THBS4: variants seen among roughly 807,000 people sequenced by gnomAD.
THBS4 encodes the protein thrombospondin-4.
THBS4 carries 90 observed loss-of-function variants against 115.7 expected under a neutral mutation model. That is an observed-to-expected ratio of 0.78 (90% CI 0.66 to 0.93). The LOEUF is 0.93. Ranked by LOEUF, THBS4 falls within the 40% of genes least tolerant of loss-of-function variation. The pLI is 0.00. For synonymous variants in THBS4, 460 were observed against 479.3 expected, an observed-to-expected ratio of 0.96 and a Z score of 0.53; for missense variants, 1,087 against 1,232.7, an observed-to-expected ratio of 0.88 and a Z score of 1.77.
At chr5:80,061,932 C>A in intron 8 of THBS4, 100 bp downstream of exon 8, 1 of 1,295,486 alleles carries the variant, frequency 7.7e-7, no homozygotes, top group Non-Finnish European at 1.0e-6. Context: ...CATGAGCAGT[C>A]AAGGCCATGT....
Position 80,079,069 on chromosome 5 carries a change from A to G in THBS4, c.2322A>G (p.Thr774=), listed in dbSNP as rs765615300. Residue 774 remains threonine (T), a synonymous_variant, in exon 19 of 22, where the codon ACA becomes ACG. Transcript: ENST00000350881. ...CTTATCTGGTCCCTACAGGGTACAC[A>G]GCTTTTAATGGAGTTGACTTCGAAG... ...NSDPGLAVGY[T]AFNGVDFEGT... The G allele has an allele frequency of 2.0e-5, 32 of 1,613,408 alleles. No individual in the cohort carries two copies. The highest frequency in any genetic ancestry group is 2.7e-5 in the Non-Finnish European group (32 of 1,179,596).
At chr5:80,038,545 C>A (rs1832790432) in intron 1 of THBS4, among the ~76,000 whole-genome samples, 2 of 152,042 alleles carry the variant, frequency 1.3e-5, no homozygotes, top group Non-Finnish European at 2.9e-5. Flanking sequence ...GTTTAACCAT[C>A]CCCTCAATCT....
chr5:80,012,693 C>T (rs1311260926), intron 2 of THBS4, among the ~76,000 whole-genome samples: 2 of 152,130 alleles, frequency 1.3e-5, no homozygotes, highest in African/African-American at 4.8e-5. Context: ...CCATCAGTGT[C>T]CATCACTTGA....
intron 2 of THBS4, among the ~76,000 whole-genome samples, chr5:80,047,610 C>A (rs1266653162): frequency 2.0e-5 from 3 of 151,128 alleles, no homozygotes; most frequent in Admixed American, 6.6e-5. Context: ...ACATTCAAGA[C>A]CAGTCTGGGT....
intron 2 of THBS4, among the ~76,000 whole-genome samples, chr5:80,045,630 A>C (rs2112050085): frequency 6.6e-6 from 1 of 150,906 alleles, no homozygotes; most frequent in South Asian, 2.1e-4. Flanking sequence ...TCCCGGGTTC[A>C]AGTGATTCTC....
At chr5:80,080,443 C>T (rs1055677299) in intron 20 of THBS4, among the ~76,000 whole-genome samples, 2 of 151,958 alleles carry the variant, frequency 1.3e-5, no homozygotes, top group Non-Finnish European at 2.9e-5. Context: ...GTCTCTTCTC[C>T]ACACCCTCCC....
At chr5:80,060,201 T>C (rs1339727899) in intron 7 of THBS4, among the ~76,000 whole-genome samples, 1 of 152,252 alleles carries the variant, frequency 6.6e-6, no homozygotes, top group African/African-American at 2.4e-5. Context: ...TTCTCTTAAA[T>C]AGTCTGTGCT....
chr5:80,055,102 G>T (rs572560839), intron 2 of THBS4, among the ~76,000 whole-genome samples: 1 of 151,946 alleles, frequency 6.6e-6, no homozygotes, highest in South Asian at 2.1e-4. Flanking sequence ...CAGGTGGATC[G>T]CTTGAGCTCG....
rs762059984 is a variant in THBS4, at chr5:80,076,971, ATGG to A, written c.2011_2013del (p.Gly671del). The A allele has an allele frequency of 6.2e-7, 1 of 1,613,816 alleles. No individual in the cohort carries two copies. Among genetic ancestry groups the A allele is most frequent in the Non-Finnish European group, 8.5e-7 (1 of 1,179,900 alleles). ...GAGTGTGATGATGATGATGACAATG[ATGG>A]TATCCCAGACCTGGTGCCCCCTGGA... On this transcript the variant is annotated inframe_deletion, in exon 16 of 22. Coordinates refer to ENST00000350881, the MANE Select transcript of THBS4 (RefSeq NM_003248.6).
chr5:80,068,176 AC>A, intron 10 of THBS4, 51 bp downstream of exon 10: 1 of 1,601,240 alleles, frequency 6.2e-7, no homozygotes, highest in Non-Finnish European at 8.5e-7. Flanking sequence ...CATTTTTAAC[AC>A]CACCTCTCTC....
intron 2 of THBS4, among the ~76,000 whole-genome samples, chr5:80,015,555 AT>A (rs1832229742): frequency 6.6e-6 from 1 of 152,160 alleles, no homozygotes; most frequent in African/African-American, 2.4e-5. Context: ...CTTTTGGAAC[AT>A]TTCTCCCTCT....
At chr5:80,065,565 C>A in intron 9 of THBS4, 88 bp downstream of exon 9, 1 of 1,231,274 alleles carries the variant, frequency 8.1e-7, no homozygotes, top group Non-Finnish European at 1.1e-6. Context: ...CCAAACACAC[C>A]TAGAACATGT....
rs370622639 is a variant in THBS4, at chr5:80,056,002, T to G, written c.510T>G (p.Ile170Met). 2 of 1,612,262 alleles carry G rather than the reference T, an allele frequency of 1.2e-6. No individual in the cohort carries two copies. Among genetic ancestry groups the G allele is most frequent in the South Asian group, 2.2e-5 (2 of 90,976 alleles). The change falls in exon 3 of 22, where the codon ATT becomes ATG. Residue 170 changes from isoleucine to methionine, a missense_variant. This residue lies in a region of THBS4 where 979 missense variants were observed against 1,103.7 expected (regional missense o/e 0.89). Transcript: ENST00000350881. ...GCCCCTCCCAGAAACCTGAGACCATTGAATTGAGGACTTTCCAGAGGAAGC... is the reference window on the plus strand; with the variant it reads ...GCCCCTCCCAGAAACCTGAGACCATGGAATTGAGGACTTTCCAGAGGAAGC... The part of the protein sequence containing the change: ...FAGPSQKPET[I>M]ELRTFQRKPQ...
chr5:80,080,098 C>T, intron 20 of THBS4, 21 bp downstream of exon 20: 2 of 1,607,882 alleles, frequency 1.2e-6, no homozygotes, highest in Non-Finnish European at 1.7e-6. Flanking sequence ...GCCCCATCTC[C>T]TTACCTTGCT....
intron 2 of THBS4, among the ~76,000 whole-genome samples, chr5:80,013,567 A>T (rs1215268797): frequency 6.6e-6 from 1 of 152,156 alleles, no homozygotes; most frequent in Non-Finnish European, 1.5e-5. Context: ...TCTGGGATTT[A>T]GCTGTAGCTG....
intron 4 of THBS4, 72 bp downstream of exon 4, chr5:80,058,386 A>T (rs2112093042): frequency 8.6e-7 from 1 of 1,164,936 alleles, no homozygotes; most frequent in African/African-American, 1.5e-5. Context: ...GCTGGGTCCC[A>T]TCACCGAAAA....
chr5:80,002,576 TAGAA>T (rs1831924040), intron 2 of THBS4, among the ~76,000 whole-genome samples: 1 of 151,712 alleles, frequency 6.6e-6, no homozygotes, highest in Admixed American at 6.6e-5. Context: ...ATCTTTTAAA[TAGAA>T]AGGGTGCAGA....
intron 8 of THBS4, among the ~76,000 whole-genome samples, chr5:80,062,860 G>A (rs1833686791): frequency 6.6e-6 from 1 of 152,188 alleles, no homozygotes; most frequent in South Asian, 2.1e-4. Flanking sequence ...CAAAGGACAT[G>A]AACTCATCCT....
intron 1 of THBS4, among the ~76,000 whole-genome samples, chr5:80,039,370 T>C (rs1832820597): frequency 6.6e-6 from 1 of 152,274 alleles, no homozygotes; most frequent in Admixed American, 6.5e-5. Context: ...TACTGCTTGC[T>C]TGATCAAAAG....
Sources: allele counts gnomAD v4.1 joint callset (sites outside exome capture counted in the v4.1 genomes callset), GRCh38; gene constraint gnomAD v4.1.1; regional missense constraint gnomAD v4.1.1; transcripts MANE v1.5; gene names NCBI Gene and HGNC (gene_info 2026-07-23, HGNC 2026-07-21).